Variants in ARHGAP8 observed in about 807,000 individuals in gnomAD.
ARHGAP8 encodes the protein rho GTPase-activating protein 8.
ARHGAP8 carries 62 observed loss-of-function variants against 46.1 expected under a neutral mutation model. The ratio of observed to expected loss-of-function variants is 1.34; its 90% CI spans 1.10 to 1.66. ARHGAP8 has a LOEUF of 1.66. ARHGAP8 is among the 40% of genes most tolerant of loss of function. The pLI, the probability that ARHGAP8 is intolerant of heterozygous loss-of-function variation, is 0.00. For missense variants in ARHGAP8, 923 were observed against 568.4 expected (o/e 1.62, Z -6.34); for synonymous variants, 375 against 243.1 (o/e 1.54, Z -5.05).
chr22:44,823,095 C>T (rs993818674), intron 6 of ARHGAP8, among the ~76,000 whole-genome samples: 1 of 152,214 alleles, frequency 6.6e-6, no homozygotes, highest in Non-Finnish European at 1.5e-5. Context: ...TGCCAAAGTA[C>T]GTGCAGGGAA....
intron 2 of ARHGAP8, among the ~76,000 whole-genome samples, chr22:44,789,929 T>C (rs1362456089): frequency 6.6e-6 from 1 of 152,212 alleles, no homozygotes; most frequent in African/African-American, 2.4e-5. Context: ...TCCATCCTTT[T>C]TCCTTTCAGT....
intron 5 of ARHGAP8, among the ~76,000 whole-genome samples, chr22:44,820,740 C>T (rs894580097): frequency 6.6e-6 from 1 of 152,202 alleles, no homozygotes; most frequent in African/African-American, 2.4e-5. Flanking sequence ...ATACAGAAAC[C>T]TGGCAATCCC....
At chr22:44,831,883 G>A (rs931554883) in intron 7 of ARHGAP8, among the ~76,000 whole-genome samples, 4 of 152,060 alleles carry the variant, frequency 2.6e-5, no homozygotes, top group African/African-American at 9.7e-5. Context: ...TTTTGAAATT[G>A]GGAAGTGTGA....
At chr22:44,853,761 T>C (rs571599617) in intron 10 of ARHGAP8, among the ~76,000 whole-genome samples, 94 of 152,110 alleles carry the variant, frequency 6.2e-4, no homozygotes, top group African/African-American at 2.2e-3. Flanking sequence ...GCTGCGGTGG[T>C]TCACGCCTGT....
chr22:44,786,441 ATCT>A lies in ARHGAP8; in HGVS notation c.-71-11_-71-9del, dbSNP rs67401095. On this transcript the variant is annotated splice_polypyrimidine_tract_variant and intron_variant, in intron 1 of 11. Coordinates refer to ENST00000356099, the MANE Select transcript of ARHGAP8 (RefSeq NM_181335.3). ...CTGGAGAATGCACTGACTTCCTTTA[ATCT>A]TCTTTGCCGCAGAGCTGCAGAGAGA... is the stretch of plus-strand genomic sequence containing the variant. The A allele has an allele frequency of 0.15, 242,879 of 1,575,750 alleles. 20,604 individuals carry two copies. Among genetic ancestry groups the A allele is most frequent in the African/African-American group, 0.34 (24,733 of 73,664 alleles).
chr22:44,816,359 A>G (rs1456001478), intron 5 of ARHGAP8, among the ~76,000 whole-genome samples: 1 of 152,040 alleles, frequency 6.6e-6, no homozygotes, highest in African/African-American at 2.4e-5. Context: ...AGGAGCATGG[A>G]CAGCTCAGGC....
intron 2 of ARHGAP8, among the ~76,000 whole-genome samples, chr22:44,798,469 A>G (rs766334464): frequency 1.3e-4 from 19 of 151,846 alleles, no homozygotes; most frequent in Non-Finnish European, 2.2e-4. Context: ...ATCCTTAGCT[A>G]ATTAGATCTG....
At chr22:44,804,930 C>T (rs530383948) in intron 3 of ARHGAP8, among the ~76,000 whole-genome samples, 148 of 152,264 alleles carry the variant, frequency 9.7e-4, no homozygotes, top group African/African-American at 3.4e-3. Context: ...TGCTGCACGG[C>T]GAGACCTGCA....
rs1376961314 is a variant in ARHGAP8, at chr22:44,780,049, C to T, written c.-71-6408C>T. On this transcript the variant is annotated intron_variant, in intron 1 of 11. Coordinates refer to ENST00000356099, the MANE Select transcript of ARHGAP8 (RefSeq NM_181335.3). ...GCAGGTGTCCCATCTGCCAGGTGAG[C>T]GTGTCCGGGCTGGACTTTGAGGAGC... Among the ~76,000 whole-genome samples, 4 of 152,162 alleles carry T rather than the reference C, an allele frequency of 2.6e-5. No homozygotes were observed. The East Asian group carries it at 7.7e-4, about 29-fold the overall frequency.
chr22:44,783,920 C>G (rs1245337729), intron 1 of ARHGAP8, among the ~76,000 whole-genome samples: 2 of 152,128 alleles, frequency 1.3e-5, no homozygotes, highest in East Asian at 1.9e-4. Context: ...CTTGACTCAG[C>G]CCTTCCTGCC....
chr22:44,823,641 T>G (rs1308781753), intron 6 of ARHGAP8, among the ~76,000 whole-genome samples: 2 of 152,126 alleles, frequency 1.3e-5, no homozygotes, highest in Non-Finnish European at 2.9e-5. Flanking sequence ...CTCACTAAAG[T>G]GATCCGGGGG....
chr22:44,817,032 C>G (rs374871405), intron 5 of ARHGAP8, among the ~76,000 whole-genome samples: 1 of 152,056 alleles, frequency 6.6e-6, no homozygotes, highest in Admixed American at 6.5e-5. Context: ...ATTACAGGCA[C>G]CTGCCACCAC....
intron 10 of ARHGAP8, chr22:44,849,431 C>G (rs1011541705): frequency 4.4e-5 from 12 of 270,690 alleles, no homozygotes; most frequent in Non-Finnish European, 7.9e-5. Context: ...CTAGAAAGGG[C>G]TCTCGGCATT....
intron 1 of ARHGAP8, among the ~76,000 whole-genome samples, chr22:44,753,279 G>C (rs1278147525): frequency 6.6e-6 from 1 of 150,880 alleles, no homozygotes; most frequent in Non-Finnish European, 1.5e-5. Context: ...CTGGATTGCA[G>C]TGTTGCATCT....
chr22:44,814,817 C>T, intron 5 of ARHGAP8, 59 bp downstream of exon 5: 3 of 1,584,874 alleles, frequency 1.9e-6, no homozygotes, highest in Non-Finnish European at 2.6e-6. Flanking sequence ...CCTCAGGGTC[C>T]ATGGGACGGC....
chr22:44,805,291 C>T (rs1037394513), intron 3 of ARHGAP8, among the ~76,000 whole-genome samples: 33 of 152,254 alleles, frequency 2.2e-4, no homozygotes, highest in Admixed American at 1.6e-3. Context: ...TGGTGGTTGC[C>T]GGGTACCGGG....
At chr22:44,856,253 CCTTTTTTTTTTTTTTTT>C (rs2070219785) in intron 10 of ARHGAP8, among the ~76,000 whole-genome samples, 2 of 111,092 alleles carry the variant, frequency 1.8e-5, no homozygotes, top group African/African-American at 4.3e-5. Flanking sequence ...CTATAAATTC[CCTTTTTTTTTTTTTTTT>C]TTTTTTTTTT....
intron 10 of ARHGAP8, among the ~76,000 whole-genome samples, chr22:44,857,934 C>T (rs1015985445): frequency 5.3e-5 from 2 of 37,844 alleles, no homozygotes; most frequent in East Asian, 4.1e-4. Flanking sequence ...CAGGTATTCT[C>T]AGAGGGACCA....
Position 44,862,511 on chromosome 22 carries a change from G to A in ARHGAP8, c.1218G>A (p.Glu406=), listed in dbSNP as rs138911000. 1.9e-6 allele frequency: 3 copies of A among 1,612,998 alleles called. No individual in the cohort carries two copies. The highest frequency in any genetic ancestry group is 2.2e-5 in the East Asian group (1 of 44,840). Residue 406 remains glutamate, a synonymous_variant, in exon 12 of 12, where the codon GAG becomes GAA. Coordinates refer to ENST00000356099, the MANE Select transcript of ARHGAP8 (RefSeq NM_181335.3). ...EQGSRAAPLQ[E]AVPRTQATGL... is the part of the protein sequence containing the mutation. ...GGAGCAGGGCAGCCCCTTTGCAGGA[G>A]GCTGTGCCACGGACACAAGCCACGG...
Sources: allele counts gnomAD v4.1 joint callset (sites outside exome capture counted in the v4.1 genomes callset), GRCh38; gene constraint gnomAD v4.1.1; transcripts MANE v1.5; gene names NCBI Gene and HGNC (gene_info 2026-07-23, HGNC 2026-07-21).